Variants in USP48 observed in about 807,000 individuals in gnomAD.
USP48 encodes the protein ubiquitin specific peptidase 48, also known as ubiquitin carboxyl-terminal hydrolase 48.
Under a neutral mutation model 150.7 loss-of-function variants are expected in USP48, and 43 were observed. The observed-to-expected ratio is 0.29, with a 90% CI of 0.22 to 0.37. The LOEUF is 0.37. USP48 is among the 10% of genes least tolerant of loss of function. USP48 has a pLI of 1.00. For missense variants in USP48, 813 were observed against 1,249.6 expected (o/e 0.65, Z 5.27); for synonymous variants, 396 against 425.9 (o/e 0.93, Z 0.86).
chr1:21,722,398 C>G (rs7366082), intron 12 of USP48, among the ~76,000 whole-genome samples: 90,018 of 150,492 alleles, frequency 0.6, 27,119 homozygotes, highest in East Asian at 0.73. Context: ...AATTAGCAAG[C>G]CATGGTGATG....
At chr1:21,714,452 A>T (rs533860225) in intron 15 of USP48, among the ~76,000 whole-genome samples, 3 of 152,256 alleles carry the variant, frequency 2.0e-5, no homozygotes, top group Admixed American at 6.5e-5. Context: ...TTTTAGAGAC[A>T]GGGTCTTGCT....
At chr1:21,741,715 G>A (rs1037849657) in intron 8 of USP48, among the ~76,000 whole-genome samples, 6 of 152,114 alleles carry the variant, frequency 3.9e-5, no homozygotes, top group South Asian at 2.1e-4. Context: ...GGTGGTTCAC[G>A]CCTGTAATCC....
At chr1:21,736,013 T>TGCAGTGA (rs1460462314) in intron 9 of USP48, among the ~76,000 whole-genome samples, 15 of 152,134 alleles carry the variant, frequency 9.9e-5, no homozygotes, top group African/African-American at 3.1e-4. Context: ...AGGCAGAGGT[T>TGCAGTGA]GCAGTGAGCC....
intron 23 of USP48, among the ~76,000 whole-genome samples, chr1:21,694,819 C>A (rs1017257245): frequency 1.3e-5 from 2 of 151,980 alleles, no homozygotes; most frequent in African/African-American, 4.8e-5. Context: ...GGCACAACCT[C>A]AACATGTGAC....
chr1:21,769,487 A>G (rs1470910312), intron 1 of USP48, among the ~76,000 whole-genome samples: 1 of 151,850 alleles, frequency 6.6e-6, no homozygotes, highest in African/African-American at 2.4e-5. Flanking sequence ...ATCTCAGCTC[A>G]CTGCAACCTC....
At chr1:21,759,282 G>A (rs1003676543) in intron 1 of USP48, among the ~76,000 whole-genome samples, 1 of 151,204 alleles carries the variant, frequency 6.6e-6, no homozygotes, top group Non-Finnish European at 1.5e-5. Flanking sequence ...GATCCAGACT[G>A]AAGGGAAGGC....
rs923736308 is a variant in USP48 at position 21,706,175 on chromosome 1, G to A, written c.2224C>T (p.Leu742Phe). The stretch of plus-strand genomic sequence containing the variant: ...ACAAAGAACTGAGACACGATGTAGA[G>A]GACATCCGTATCCTAGAACACAAAA... ...LSNWPEDTDV[L>F]YIVSQFFVEE... The change falls in exon 18 of 27, where the codon CTC (leucine) becomes TTC (phenylalanine). Residue 742 changes from leucine to phenylalanine, a missense_variant. Physicochemically the swap from Leu to Phe is conservative, Grantham distance 22. Transcript: ENST00000308271. 6.2e-7 allele frequency: 1 copy of A among 1,613,730 alleles called. No homozygotes were observed. The highest frequency in any genetic ancestry group is 8.5e-7 in the Non-Finnish European group (1 of 1,179,880).
intron 2 of USP48, 112 bp from the exon 3 acceptor site, chr1:21,756,814 A>T: frequency 6.7e-7 from 1 of 1,487,598 alleles, no homozygotes; most frequent in East Asian, 2.6e-5. Flanking sequence ...GTCACAACCA[A>T]CATGGTATAG....
At chr1:21,755,326 C>T (rs1189107581) in intron 3 of USP48, among the ~76,000 whole-genome samples, 2 of 151,938 alleles carry the variant, frequency 1.3e-5, no homozygotes, top group African/African-American at 2.4e-5. Flanking sequence ...TCTGGGAGAC[C>T]AAGGAAGGTG....
chr1:21,745,690 A>G (rs912899766), intron 8 of USP48, among the ~76,000 whole-genome samples: 1 of 152,210 alleles, frequency 6.6e-6, no homozygotes, highest in Non-Finnish European at 1.5e-5. Context: ...AACTGGGCAA[A>G]TATATAATAA....
intron 15 of USP48, among the ~76,000 whole-genome samples, chr1:21,713,389 G>A (rs1377813256): frequency 6.6e-6 from 1 of 152,214 alleles, no homozygotes; most frequent in African/African-American, 2.4e-5. Context: ...GATTACAGGT[G>A]TGAAGCCACT....
In USP48 at chr1:21,753,099, A is replaced by C; in HGVS notation, c.433T>G (p.Cys145Gly). 2 of 1,608,892 alleles carry C rather than the reference A, an allele frequency of 1.2e-6. No individual in the cohort carries two copies. The highest frequency in any genetic ancestry group is 1.7e-6 in the Non-Finnish European group (2 of 1,178,784). The part of the protein sequence containing the change: ...EEKDYEPQTI[C>G]EHLQYLFALL... ...GCAAACAAGTACTGGAGATGCTCAC[A>C]AATTGTTTGAGGCTCATAATCTATT... Residue 145 changes from cysteine to glycine, a missense_variant, in exon 4 of 27, where the codon TGT (cysteine) becomes GGT (glycine). Physicochemically the swap from Cys to Gly is radical, Grantham distance 159 (BLOSUM62 -3). Transcript: ENST00000308271.
chr1:21,753,862 G>T (rs1391713670), intron 3 of USP48, among the ~76,000 whole-genome samples: 1 of 149,498 alleles, frequency 6.7e-6, no homozygotes, highest in Non-Finnish European at 1.5e-5. Context: ...TAAAAGACAG[G>T]GCTGGCGCAG....
At chr1:21,727,857 T>C in intron 11 of USP48, 1 of 971,858 alleles carries the variant, frequency 1.0e-6, no homozygotes, top group Non-Finnish European at 1.2e-6. Flanking sequence ...ACAATTATGC[T>C]TAAGTATTTA....
chr1:21,707,420 G>A (rs544025962), intron 15 of USP48, among the ~76,000 whole-genome samples: 8 of 152,292 alleles, frequency 5.3e-5, no homozygotes, highest in South Asian at 2.1e-4. Flanking sequence ...TCAAACAGAA[G>A]ATAAAGCAAT....
chr1:21,735,887 A>G (rs1225828658), intron 9 of USP48, among the ~76,000 whole-genome samples: 291 of 11,316 alleles, frequency 0.026, 2 homozygotes, highest in East Asian at 0.06. Flanking sequence ...CAAGAGCGGA[A>G]AAAAAAAAAA....
At chr1:21,705,632 AGACT>A in intron 19 of USP48, 91 bp downstream of exon 19, 1 of 913,038 alleles carries the variant, frequency 1.1e-6, no homozygotes, top group Non-Finnish European at 1.6e-6. Context: ...TTCTTAAAAC[AGACT>A]ATGTCAGATG....
intron 22 of USP48, among the ~76,000 whole-genome samples, chr1:21,699,192 ATTTTTTTTTTTTT>A (rs71016932): frequency 1.6e-5 from 1 of 63,612 alleles, no homozygotes; most frequent in Non-Finnish European, 3.1e-5. Context: ...ACCACACCTA[ATTTTTTTTTTTTT>A]TTTTTTTTTT....
chr1:21,700,553 G>T (rs545670487), intron 22 of USP48, among the ~76,000 whole-genome samples: 3 of 152,276 alleles, frequency 2.0e-5, no homozygotes, highest in Non-Finnish European at 4.4e-5. Context: ...GATGGCTATT[G>T]TAACACTTTC....
Sources: gnomAD v4.1 joint callset for allele counts (sites outside exome capture counted in the v4.1 genomes callset) on GRCh38, gnomAD v4.1.1 for gene constraint, MANE v1.5 for transcripts, NCBI Gene and HGNC (gene_info 2026-07-23, HGNC 2026-07-21) for gene names.